Variants in LGR4 observed in about 807,000 individuals in gnomAD.
LGR4 encodes leucine rich repeat containing G protein-coupled receptor 4.
A neutral mutation model predicts 84.8 loss-of-function variants in LGR4; 44 were observed. The ratio of observed to expected loss-of-function variants is 0.52; its 90% confidence interval spans 0.41 to 0.67. LGR4 has a LOEUF of 0.67. LGR4 is among the 30% of genes least tolerant of loss of function. The pLI, the probability that LGR4 is intolerant of heterozygous loss-of-function variation, is 0.00. For missense variants in LGR4, 1,032 were observed against 1,131.4 expected, an observed-to-expected ratio of 0.91 and a Z score of 1.26; for synonymous variants, 429 against 434.3, an observed-to-expected ratio of 0.99 and a Z score of 0.15.
intron 1 of LGR4, among the ~76,000 whole-genome samples, chr11:27,437,882 T>C (rs1864238966): frequency 6.6e-6 from 1 of 152,096 alleles, no homozygotes; most frequent in Admixed American, 6.6e-5. Flanking sequence ...GCGTGCCCTG[T>C]AGTCCCAGAT....
chr11:27,453,483 C>A (rs946399958), intron 1 of LGR4, among the ~76,000 whole-genome samples: 1 of 152,186 alleles, frequency 6.6e-6, no homozygotes, highest in Non-Finnish European at 1.5e-5. Context: ...GGCTACCCTA[C>A]TTTAACAGCA....
intron 1 of LGR4, among the ~76,000 whole-genome samples, chr11:27,417,349 A>G (rs1299299516): frequency 6.6e-6 from 1 of 152,162 alleles, no homozygotes; most frequent in East Asian, 1.9e-4. Context: ...TAAATAAAAA[A>G]AACTCTCCCA....
At chr11:27,420,054 G>T (rs778228927) in intron 1 of LGR4, among the ~76,000 whole-genome samples, 14 of 152,128 alleles carry the variant, frequency 9.2e-5, no homozygotes, top group African/African-American at 1.7e-4. Flanking sequence ...ATTAAAAAGT[G>T]TGAATTTGGC....
chr11:27,458,757 T>A (rs1864621782), intron 1 of LGR4, among the ~76,000 whole-genome samples: 1 of 152,140 alleles, frequency 6.6e-6, no homozygotes, highest in African/African-American at 2.4e-5. Context: ...CAGGCTGGTC[T>A]CGAACTCCTG....
intron 2 of LGR4, among the ~76,000 whole-genome samples, chr11:27,398,507 C>T (rs1234578483): frequency 1.9e-4 from 29 of 152,120 alleles, no homozygotes; most frequent in Non-Finnish European, 5.9e-5. Flanking sequence ...GTAAGAAATA[C>T]CATATATACA....
intron 1 of LGR4, among the ~76,000 whole-genome samples, chr11:27,468,957 C>T (rs1358476691): frequency 6.6e-6 from 1 of 152,186 alleles, no homozygotes; most frequent in East Asian, 1.9e-4. Flanking sequence ...ATGACTTCAT[C>T]TCTTCTCCCA....
At chr11:27,380,805 T>C in intron 8 of LGR4, 90 bp downstream of exon 8, 2 of 1,175,982 alleles carry the variant, frequency 1.7e-6, no homozygotes, top group East Asian at 4.7e-5. Flanking sequence ...TCTAAAATCC[T>C]GACTTCTCAT....
intron 10 of LGR4, among the ~76,000 whole-genome samples, chr11:27,379,338 A>C (rs1249608061): frequency 6.6e-6 from 1 of 152,182 alleles, no homozygotes; most frequent in Non-Finnish European, 1.5e-5. Context: ...GTGCAAATCC[A>C]GTGATGGATT....
At chr11:27,413,638 C>A (rs960840553) in intron 1 of LGR4, among the ~76,000 whole-genome samples, 1 of 152,128 alleles carries the variant, frequency 6.6e-6, no homozygotes, top group Non-Finnish European at 1.5e-5. Flanking sequence ...TCCCAGCATG[C>A]GCTGGGGCAG....
chr11:27,378,643 G>T, intron 11 of LGR4, 54 bp downstream of exon 11: 1 of 1,187,288 alleles, frequency 8.4e-7, no homozygotes, highest in Non-Finnish European at 1.3e-6. Flanking sequence ...AATTGAACAT[G>T]TGTGAATATA....
chr11:27,384,467 T>C (rs1246267123), intron 5 of LGR4, 60 bp from the exon 6 acceptor site: 1 of 1,128,098 alleles, frequency 8.9e-7, no homozygotes, highest in African/African-American at 1.5e-5. Context: ...CTATTATCAT[T>C]GTTTTATATG....
Position 27,366,078 on chromosome 11 carries a change from A to G in LGR4, c.*1789T>C, listed in dbSNP as rs1862758229. ...TTATTCTAGTTTTTAAATGAATAAA[A>G]TGAAAAGTTTTCAATAACCTGAATT... On this transcript the variant is annotated 3_prime_UTR_variant, in exon 18 of 18. Transcript: ENST00000379214. 3.3e-5 allele frequency: 5 copies of G among 152,602 alleles called. No individual in the cohort carries two copies. In the South Asian group the frequency reaches 1.0e-3, roughly 32 times the overall value. The allele number at this position is 152,602 out of a possible 1,614,324, so 9.5% of individuals were successfully genotyped here. A position where few individuals can be genotyped will look rare whatever the true frequency, so the allele number is the denominator to read the frequency against.
intron 1 of LGR4, among the ~76,000 whole-genome samples, chr11:27,464,157 G>A (rs1490484646): frequency 6.6e-6 from 1 of 152,154 alleles, no homozygotes; most frequent in Non-Finnish European, 1.5e-5. Context: ...TCATTTTCTG[G>A]AGAATTATTC....
intron 1 of LGR4, among the ~76,000 whole-genome samples, chr11:27,456,980 C>A (rs1335116394): frequency 1.3e-5 from 2 of 152,036 alleles, no homozygotes; most frequent in Non-Finnish European, 2.9e-5. Flanking sequence ...TAGCTTCTCA[C>A]CATTTTGTTT....
intron 1 of LGR4, among the ~76,000 whole-genome samples, chr11:27,421,674 A>T (rs1317520192): frequency 6.6e-6 from 1 of 152,214 alleles, no homozygotes; most frequent in East Asian, 1.9e-4. Context: ...GCCCACCTAC[A>T]AAGAAAGAAA....
intron 1 of LGR4, among the ~76,000 whole-genome samples, chr11:27,467,697 T>G (rs1480102407): frequency 1.3e-5 from 2 of 152,158 alleles, no homozygotes; most frequent in Non-Finnish European, 2.9e-5. Context: ...AGAATATGAC[T>G]CATTCAAGGT....
chr11:27,420,723 A>C (rs907245153), intron 1 of LGR4, among the ~76,000 whole-genome samples: 1 of 152,142 alleles, frequency 6.6e-6, no homozygotes, highest in African/African-American at 2.4e-5. Flanking sequence ...TTCATACTAA[A>C]AGAAAAAATT....
chr11:27,377,907 C>T (rs939025008), intron 11 of LGR4, among the ~76,000 whole-genome samples: 7 of 152,150 alleles, frequency 4.6e-5, no homozygotes, highest in Admixed American at 3.3e-4. Flanking sequence ...CATATTTCTG[C>T]TCCAACTTTT....
chr11:27,391,010 C>T, intron 4 of LGR4, 84 bp downstream of exon 4: 1 of 800,226 alleles, frequency 1.2e-6, no homozygotes. Context: ...GATAAATCTC[C>T]TCTTTCCTTA....
Sources: gnomAD v4.1 joint callset for allele counts (sites outside exome capture counted in the v4.1 genomes callset) on GRCh38, gnomAD v4.1.1 for gene constraint, MANE v1.5 for transcripts, NCBI Gene and HGNC (gene_info 2026-07-23, HGNC 2026-07-21) for gene names.